Variants in AVEN observed in about 807,000 individuals in gnomAD.
AVEN encodes apoptosis and caspase activation inhibitor, also known as cell death regulator Aven.
Under a neutral mutation model 38.1 loss-of-function variants are expected in AVEN, and 41 were observed. The ratio of observed to expected loss-of-function variants is 1.08; its 90% confidence interval spans 0.84 to 1.40. The LOEUF is 1.40. AVEN is among the 40% of genes most tolerant of loss of function. AVEN has a pLI of 0.00. For missense variants in AVEN, 605 were observed against 438.8 expected (o/e 1.38, Z -3.38); for synonymous variants, 206 against 171.8 (o/e 1.20, Z -1.56).
At chr15:33,857,633 A>G, downstream of AVEN, 3 of 894,700 alleles carry the variant, frequency 3.4e-6, no homozygotes, top group South Asian at 5.2e-5. Flanking sequence ...ATGGCCTGAT[A>G]GCTTTCTTAG....
chr15:34,046,472 A>G (rs1222131389), intron 5 of AVEN: 9 of 152,196 alleles, frequency 5.9e-5, no homozygotes, highest in Admixed American at 5.9e-4. Context: ...TTCAAATGTT[A>G]CTGCACATTG....
intron 2 of AVEN, among the ~76,000 whole-genome samples, chr15:33,966,458 T>G (rs1338601968): frequency 6.6e-6 from 1 of 152,148 alleles, no homozygotes; most frequent in Non-Finnish European, 1.5e-5. Flanking sequence ...TGCCATAACA[T>G]GACGTATGAC....
chr15:33,901,390 A>G (rs1393033699), intron 2 of AVEN, among the ~76,000 whole-genome samples: 1 of 152,230 alleles, frequency 6.6e-6, no homozygotes, highest in African/African-American at 2.4e-5. Flanking sequence ...ACACGCACAC[A>G]CGTTTTATCT....
chr15:33,865,156 A>C, downstream of AVEN: 1 of 1,613,752 alleles, frequency 6.2e-7, no homozygotes, highest in Non-Finnish European at 8.5e-7. Context: ...AAGATGTACC[A>C]AGAAAGGTGT....
At chr15:34,003,673 A>C (rs1472057822) in intron 1 of AVEN, among the ~76,000 whole-genome samples, 2 of 152,198 alleles carry the variant, frequency 1.3e-5, no homozygotes, top group Non-Finnish European at 2.9e-5. Flanking sequence ...AAAACTATTT[A>C]ACTTAAACAT....
chr15:33,912,658 T>G (rs1892957637), intron 2 of AVEN, among the ~76,000 whole-genome samples: 2 of 152,142 alleles, frequency 1.3e-5, no homozygotes, highest in South Asian at 4.1e-4. Flanking sequence ...TATGTTCTCT[T>G]TTTAGGGATG....
chr15:33,869,282 C>T (rs1890835357), intron 4 of AVEN, among the ~76,000 whole-genome samples: 1 of 152,148 alleles, frequency 6.6e-6, no homozygotes, highest in South Asian at 2.1e-4. Context: ...TGCTCTACAG[C>T]ATGGGTGGGG....
intron 2 of AVEN, among the ~76,000 whole-genome samples, chr15:33,951,464 T>C (rs989443345): frequency 1.3e-5 from 2 of 151,048 alleles, no homozygotes; most frequent in African/African-American, 2.4e-5. Context: ...CTAATGTAAA[T>C]GACGAGTTAA....
At chr15:33,890,756 C>G (rs959249763) in intron 2 of AVEN, among the ~76,000 whole-genome samples, 5 of 152,158 alleles carry the variant, frequency 3.3e-5, no homozygotes, top group Non-Finnish European at 7.3e-5. Context: ...GCAATTACCA[C>G]TATCCAAGAC....
chr15:34,072,921 T>C (rs1051341858), intron 1 of AVEN, among the ~76,000 whole-genome samples: 4 of 151,998 alleles, frequency 2.6e-5, no homozygotes, highest in African/African-American at 4.8e-5. Flanking sequence ...AGTGCTGGGA[T>C]TACACGCGTG....
downstream of AVEN, chr15:33,854,383 C>A: frequency 6.4e-7 from 1 of 1,565,804 alleles, no homozygotes; most frequent in Non-Finnish European, 8.7e-7. Flanking sequence ...ACTTGTTCTT[C>A]TCTAGGCTAA....
chr15:34,038,925 C>G lies in AVEN; in HGVS notation c.122G>C (p.Gly41Ala). 1 of 1,057,066 alleles carries G rather than the reference C, an allele frequency of 9.5e-7. No homozygotes were observed. Among genetic ancestry groups the G allele is most frequent in the Non-Finnish European group, 1.1e-6 (1 of 881,902 alleles). 65.5% of individuals were successfully genotyped at this position (1,057,066 alleles called of 1,614,324 possible). A position where few individuals can be genotyped will look rare whatever the true frequency, so the allele number is the denominator to read the frequency against. ...TCCGCCTCCGTCCCCGCCGCCGCCT[C>G]CGCCGCCGCCTCTGGCTACCGCCGC... Reference protein sequence around the residue: ...AAAAVARGGGGGGGGDGGGRR... With the variant: ...AAAAVARGGGAGGGGDGGGRR... Residue 41 changes from glycine to alanine, a missense_variant, in exon 1 of 6, where the codon GGA (glycine) becomes GCA (alanine). By Grantham distance (60) the Gly-to-Ala change is moderately conservative (BLOSUM62 0). Coordinates refer to ENST00000306730, the MANE Select transcript of AVEN (RefSeq NM_020371.3).
At chr15:33,858,009 TGA>T, downstream of AVEN, 10 of 1,508,688 alleles carry the variant, frequency 6.6e-6, no homozygotes, top group Non-Finnish European at 9.0e-6. Flanking sequence ...GGGGTGCTCT[TGA>T]GAACTGTAGA....
At chr15:34,024,907 G>A (rs987628073) in intron 1 of AVEN, among the ~76,000 whole-genome samples, 4 of 151,840 alleles carry the variant, frequency 2.6e-5, no homozygotes, top group African/African-American at 9.7e-5. Context: ...GCGAGGCCGG[G>A]CATGGTGGCT....
At chr15:33,870,853 A>G (rs1890916524) in intron 4 of AVEN, 82 bp downstream of exon 4, 5 of 945,980 alleles carry the variant, frequency 5.3e-6, no homozygotes, top group Admixed American at 2.3e-5. Flanking sequence ...TGACACTGAG[A>G]CATCCTGCTG....
chr15:33,946,886 T>C (rs1894529453), intron 2 of AVEN, among the ~76,000 whole-genome samples: 1 of 152,180 alleles, frequency 6.6e-6, no homozygotes, highest in African/African-American at 2.4e-5. Context: ...CAATGATTCC[T>C]CTGCTCAGCT....
At chr15:34,057,639 C>G (rs139972900) in intron 5 of AVEN, among the ~76,000 whole-genome samples, 8 of 152,208 alleles carry the variant, frequency 5.3e-5, no homozygotes, top group Non-Finnish European at 1.2e-4. Context: ...CAAAGTCATA[C>G]AGTAAGTTGG....
Position 33,866,644 on chromosome 15 carries a change from A to C in AVEN, c.1058T>G (p.Leu353Arg), listed in dbSNP as rs1890548415. The stretch of plus-strand genomic sequence containing the variant: ...AATCATGCTGTCCAACCAGTCTTCC[A>C]GCTCTTCCTCGGTAACATTTTTGGA... The part of the protein sequence containing the change: ...STSKNVTEEE[L>R]EDWLDSMIS Residue 353 changes from leucine to arginine, a missense_variant, in exon 6 of 6, where the codon CTG (leucine) becomes CGG (arginine). Leu to Arg is a moderately radical substitution (Grantham distance 102). Coordinates refer to ENST00000306730, the MANE Select transcript of AVEN (RefSeq NM_020371.3). 5 of 1,613,932 alleles carry C rather than the reference A, an allele frequency of 3.1e-6. No individual in the cohort carries two copies. Among genetic ancestry groups the C allele is most frequent in the Admixed American group, 1.7e-5 (1 of 60,000 alleles).
At chr15:33,970,869 G>A (rs1445237470) in intron 2 of AVEN, among the ~76,000 whole-genome samples, 1 of 152,004 alleles carries the variant, frequency 6.6e-6, no homozygotes, top group Middle Eastern at 3.4e-3. Flanking sequence ...GACAATGGCT[G>A]GGCAAATGAA....
Sources: allele counts gnomAD v4.1 joint callset (sites outside exome capture counted in the v4.1 genomes callset), GRCh38; gene constraint gnomAD v4.1.1; transcripts MANE v1.5; gene names NCBI Gene and HGNC (gene_info 2026-07-23, HGNC 2026-07-21).